ANAPC13: variants seen among roughly 807,000 people sequenced by gnomAD.
ANAPC13 encodes the protein anaphase promoting complex subunit 13.
In ANAPC13, 9 loss-of-function variants were observed where a neutral mutation model predicts 9.6. That is an observed-to-expected ratio of 0.94 (90% CI 0.57 to 1.64). ANAPC13 has a LOEUF of 1.64. Ranked by LOEUF, ANAPC13 falls within the 40% of genes most tolerant of loss-of-function variation. The pLI is 0.00. For missense variants in ANAPC13, 75 were observed against 85.3 expected, an observed-to-expected ratio of 0.88 and a Z score of 0.48; for synonymous variants, 30 against 29.7, an observed-to-expected ratio of 1.01 and a Z score of -0.03.
At chr3:134,479,182 G>C (rs951775844) in intron 2 of ANAPC13, among the ~76,000 whole-genome samples, 1 of 152,222 alleles carries the variant, frequency 6.6e-6, no homozygotes, top group Non-Finnish European at 1.5e-5. Context: ...GGTATCCAGT[G>C]CTCAAGGAAT....
chr3:134,484,160 C>G (rs994904189), intron 1 of ANAPC13, among the ~76,000 whole-genome samples: 2 of 152,074 alleles, frequency 1.3e-5, no homozygotes, highest in African/African-American at 2.4e-5. Flanking sequence ...GTGGGCGGAT[C>G]ACGAGGTCAG....
intron 2 of ANAPC13, among the ~76,000 whole-genome samples, chr3:134,481,406 C>T (rs1207543274): frequency 6.6e-6 from 1 of 152,188 alleles, no homozygotes; most frequent in African/African-American, 2.4e-5. Context: ...CTTTACACAT[C>T]TGTCCCCTCT....
chr3:134,481,472 C>T (rs1934734307), intron 2 of ANAPC13, among the ~76,000 whole-genome samples: 1 of 152,212 alleles, frequency 6.6e-6, no homozygotes, highest in Non-Finnish European at 1.5e-5. Context: ...TATGACCCAG[C>T]TTAAACATGA....
At position 134,482,848 on chromosome 3, in the gene ANAPC13, C is replaced by T. The variant is rs199588956; in HGVS notation, c.57G>A (p.Trp19Ter). ...CCTCATAAGGCAGCTTGTCTTCTCG[C>T]CAAGCATCATCAATCAAATCCAAGA... Reference protein sequence around the residue: ...GRILDLIDDAWREDKLPYEDV... With the variant: ...GRILDLIDDA Residue 19 changes from tryptophan (W) to a stop codon, truncating the protein, a stop_gained, in exon 2 of 3, where the codon TGG becomes TGA. Coordinates refer to ENST00000354910, the MANE Select transcript of ANAPC13 (RefSeq NM_015391.4). LOFTEE classifies it high-confidence loss of function. 6.2e-7 allele frequency: 1 copy of T among 1,614,196 alleles called. No individual in the cohort carries two copies. The highest frequency in any genetic ancestry group is 8.5e-7 in the Non-Finnish European group (1 of 1,180,020).
intron 2 of ANAPC13, among the ~76,000 whole-genome samples, chr3:134,479,752 A>G (rs1171113023): frequency 6.6e-6 from 1 of 152,196 alleles, no homozygotes; most frequent in East Asian, 1.9e-4. Flanking sequence ...GCAACAAAAA[A>G]CACAACAAAT....
Position 134,477,920 on chromosome 3 carries a change from G to C in ANAPC13, c.*670C>G, listed in dbSNP as rs1934647532. 6.6e-6 allele frequency: 1 copy of C among 152,170 alleles called. No individual in the cohort carries two copies. Among genetic ancestry groups the C allele is most frequent in the Non-Finnish European group, 1.5e-5 (1 of 68,026 alleles). 9.4% of individuals were successfully genotyped at this position (152,170 alleles called of 1,614,324 possible). ...TATAACTAAATACTGATTCCATAGT[G>C]GGGTGGTTGTAACTGAAAGGGCTTT... On this transcript the variant is annotated 3_prime_UTR_variant, in exon 3 of 3. Coordinates refer to ENST00000354910, the MANE Select transcript of ANAPC13 (RefSeq NM_015391.4).
At chr3:134,483,744 C>T (rs927546647) in intron 1 of ANAPC13, among the ~76,000 whole-genome samples, 1 of 152,194 alleles carries the variant, frequency 6.6e-6, no homozygotes, top group African/African-American at 2.4e-5. Context: ...CTCCCTGCTA[C>T]CAAGTGACAA....
intron 1 of ANAPC13, chr3:134,485,346 CTT>C (rs1026471696): frequency 1.3e-5 from 2 of 152,274 alleles, no homozygotes; most frequent in Non-Finnish European, 2.9e-5. Context: ...CTGCAATGCT[CTT>C]TGTTTCTTCC....
At chr3:134,484,938 C>T (rs1324302191) in intron 1 of ANAPC13, among the ~76,000 whole-genome samples, 1 of 152,184 alleles carries the variant, frequency 6.6e-6, no homozygotes, top group Non-Finnish European at 1.5e-5. Flanking sequence ...TTATTGCCTC[C>T]AACTGTTACG....
Position 134,482,859 on chromosome 3 carries a change from C to T in ANAPC13, c.46G>A (p.Asp16Asn). 6.2e-7 allele frequency: 1 copy of T among 1,614,244 alleles called. No homozygotes were observed. Among genetic ancestry groups the T allele is most frequent in the Non-Finnish European group, 8.5e-7 (1 of 1,180,032 alleles). ...AGCTTGTCTTCTCGCCAAGCATCAT[C>T]AATCAAATCCAAGATCCTTCCATCT... The part of the protein sequence containing the change: ...QRDGRILDLI[D>N]DAWREDKLPY... The change falls in exon 2 of 3, where the codon GAT (aspartate) becomes AAT (asparagine). Residue 16 changes from aspartate to asparagine, a missense_variant. By Grantham distance (23) the Asp-to-Asn change is conservative. Transcript: ENST00000354910.
At chr3:134,478,839 T>C in intron 2 of ANAPC13, 124 bp from the exon 3 acceptor site, 3 of 1,069,114 alleles carry the variant, frequency 2.8e-6, no homozygotes, top group Non-Finnish European at 4.1e-6. Context: ...ATGTGTATTC[T>C]AAAAAAGCTA....
At chr3:134,480,013 A>G (rs747139210) in intron 2 of ANAPC13, among the ~76,000 whole-genome samples, 12 of 152,362 alleles carry the variant, frequency 7.9e-5, no homozygotes, top group African/African-American at 1.4e-4. Context: ...TAGTATGTGA[A>G]TATGTTTTCC....
chr3:134,484,667 G>T (rs1389739117), intron 1 of ANAPC13, among the ~76,000 whole-genome samples: 2 of 152,162 alleles, frequency 1.3e-5, no homozygotes, highest in East Asian at 3.9e-4. Context: ...TTATACTTTT[G>T]AAGTCCCTGT....
chr3:134,484,241 A>G (rs1934861980), intron 1 of ANAPC13, among the ~76,000 whole-genome samples: 2 of 152,150 alleles, frequency 1.3e-5, no homozygotes, highest in Admixed American at 6.5e-5. Context: ...TTAGCCGAGC[A>G]TGGTGGCAGG....
chr3:134,479,996 T>C (rs9866359), intron 2 of ANAPC13, among the ~76,000 whole-genome samples: 23,035 of 152,258 alleles, frequency 0.15, 1,797 homozygotes, highest in East Asian at 0.2. Flanking sequence ...CACTGGATTC[T>C]AATTTGTAGT....
intron 2 of ANAPC13, among the ~76,000 whole-genome samples, chr3:134,479,668 T>C (rs1934693741): frequency 6.6e-6 from 1 of 152,126 alleles, no homozygotes; most frequent in Non-Finnish European, 1.5e-5. Flanking sequence ...TATATTATAA[T>C]AAAAATGGAG....
At position 134,482,798 on chromosome 3, in the gene ANAPC13, TA is replaced by T; in HGVS notation, c.99+7del. 1 of 1,612,912 alleles carries T rather than the reference TA, an allele frequency of 6.2e-7. No homozygotes were observed. Among genetic ancestry groups the T allele is most frequent in the Non-Finnish European group, 8.5e-7 (1 of 1,178,856 alleles). The stretch of plus-strand genomic sequence containing the variant: ...TTTAACCCATCCTCAGCTCAAATCA[TA>T]ACCTACCAGTGGTATTGCGACATCC... On this transcript the variant is annotated splice_region_variant and intron_variant, in intron 2 of 2. Coordinates refer to ENST00000354910, the MANE Select transcript of ANAPC13 (RefSeq NM_015391.4).
At chr3:134,483,161 AGAGTGTGACAG>A (rs1353281261) in intron 1 of ANAPC13, 3 of 496,572 alleles carry the variant, frequency 6.0e-6, no homozygotes, top group Admixed American at 6.6e-5. Flanking sequence ...CCAGTGTCAT[AGAGTGTGACAG>A]GAGAGCAACA....
At chr3:134,481,107 C>T (rs987253080) in intron 2 of ANAPC13, among the ~76,000 whole-genome samples, 3 of 152,224 alleles carry the variant, frequency 2.0e-5, no homozygotes, top group African/African-American at 7.2e-5. Flanking sequence ...TCCTCCCTTG[C>T]CTAGACCACA....
Sources: allele counts gnomAD v4.1 joint callset (sites outside exome capture counted in the v4.1 genomes callset), GRCh38; gene constraint gnomAD v4.1.1; transcripts MANE v1.5; gene names NCBI Gene and HGNC (gene_info 2026-07-23, HGNC 2026-07-21).